Variants in LMF1 observed in about 807,000 individuals in gnomAD.
The protein encoded by LMF1 is transmembrane protein 112.
Under a neutral mutation model 60.6 loss-of-function variants are expected in LMF1, and 68 were observed. The observed-to-expected ratio is 1.12, with a 90% confidence interval of 0.92 to 1.37. LMF1 has a LOEUF of 1.37. Ranked by LOEUF, LMF1 falls within the 40% of genes most tolerant of loss-of-function variation. The pLI is 0.00. For synonymous variants in LMF1, 418 were observed against 324.7 expected, an observed-to-expected ratio of 1.29 and a Z score of -3.09; for missense variants, 948 against 767.2, an observed-to-expected ratio of 1.24 and a Z score of -2.78.
intron 2 of LMF1, among the ~76,000 whole-genome samples, chr16:943,968 C>G (rs989612228): frequency 2.6e-5 from 4 of 152,138 alleles, no homozygotes; most frequent in Non-Finnish European, 5.9e-5. Context: ...TTAATTTTGT[C>G]TGCTTCCTTT....
chr16:912,857 C>T (rs1463833561), intron 3 of LMF1, among the ~76,000 whole-genome samples: 4 of 152,260 alleles, frequency 2.6e-5, no homozygotes, highest in Admixed American at 6.5e-5. Context: ...TCCGCCTCAG[C>T]GTGGCGGACA....
At chr16:929,776 G>A (rs1169438056) in intron 3 of LMF1, among the ~76,000 whole-genome samples, 1 of 152,242 alleles carries the variant, frequency 6.6e-6, no homozygotes, top group Non-Finnish European at 1.5e-5. Context: ...CAAATATTGT[G>A]GTTTTCCTGC....
rs185941972 is a variant in LMF1, at chr16:915,827, C to T, written c.515-4748G>A. Among the ~76,000 whole-genome samples, 258 of 151,782 alleles carry T rather than the reference C, an allele frequency of 1.7e-3. 4 individuals are homozygous for T. Among genetic ancestry groups the T allele is most frequent in the Admixed American group, 0.016 (239 of 15,274 alleles). ...TGAGATGAGCACCATCACCGGGGGC[C>T]GGAGCAGGTGAGATGCAGGGGCCGG... On this transcript the variant is annotated intron_variant, in intron 3 of 10. Coordinates refer to ENST00000262301, the MANE Select transcript of LMF1 (RefSeq NM_022773.4).
chr16:912,524 C>A (rs961531076), intron 3 of LMF1, among the ~76,000 whole-genome samples: 1 of 152,230 alleles, frequency 6.6e-6, no homozygotes, highest in African/African-American at 2.4e-5. Flanking sequence ...ACTGAATAAG[C>A]AGATCGGCGT....
intron 1 of LMF1, among the ~76,000 whole-genome samples, chr16:967,390 C>T (rs2072946831): frequency 6.6e-6 from 1 of 152,252 alleles, no homozygotes; most frequent in Non-Finnish European, 1.5e-5. Context: ...CCAGGCTGCT[C>T]TGCCCTCTGT....
chr16:910,546 G>C (rs542239550), intron 4 of LMF1, among the ~76,000 whole-genome samples: 255 of 152,282 alleles, frequency 1.7e-3, no homozygotes, highest in African/African-American at 5.7e-3. Flanking sequence ...CATGGCCTGA[G>C]ACTCTGTCAT....
chr16:887,290 G>T (rs2151724062), intron 5 of LMF1, among the ~76,000 whole-genome samples: 1 of 152,344 alleles, frequency 6.6e-6, no homozygotes, highest in African/African-American at 2.4e-5. Context: ...AGCCCCAGCC[G>T]CTGTGCTCTG....
At chr16:902,124 G>A (rs1170921064) in intron 4 of LMF1, 1 of 152,336 alleles carries the variant, frequency 6.6e-6, no homozygotes, top group African/African-American at 2.4e-5. Flanking sequence ...TTGGGCTGAG[G>A]ATGCCCACTG....
chr16:921,445 G>A (rs1459432211), intron 3 of LMF1, among the ~76,000 whole-genome samples: 1 of 152,050 alleles, frequency 6.6e-6, no homozygotes, highest in Non-Finnish European at 1.5e-5. Context: ...GCCAGGCACC[G>A]GCACAAAGCC....
intron 2 of LMF1, among the ~76,000 whole-genome samples, chr16:950,487 C>A (rs78298351): frequency 2.4e-4 from 19 of 79,856 alleles, no homozygotes; most frequent in African/African-American, 4.1e-4. Flanking sequence ...AGAGTCAGAG[C>A]CAACGACAGA....
At chr16:920,863 G>A (rs1457124566) in intron 3 of LMF1, among the ~76,000 whole-genome samples, 2 of 152,210 alleles carry the variant, frequency 1.3e-5, no homozygotes, top group Non-Finnish European at 2.9e-5. Flanking sequence ...AGGGAGCCAG[G>A]CGCGGATCCT....
intron 6 of LMF1, among the ~76,000 whole-genome samples, chr16:879,236 C>T (rs922700620): frequency 8.5e-5 from 13 of 152,268 alleles, no homozygotes; most frequent in African/African-American, 2.9e-4. Flanking sequence ...GGAGTGGATC[C>T]CAGGAATGTG....
chr16:912,081 G>A (rs891256588), intron 3 of LMF1, among the ~76,000 whole-genome samples: 17 of 152,150 alleles, frequency 1.1e-4, no homozygotes, highest in Non-Finnish European at 2.2e-4. Context: ...CCCACAGGCC[G>A]GGCTCCCTCC....
intron 5 of LMF1, chr16:884,030 T>C (rs1163672893): frequency 1.3e-5 from 2 of 152,378 alleles, no homozygotes; most frequent in South Asian, 4.1e-4. Context: ...TTTTGCTTCA[T>C]GTCTTTTGAA....
intron 5 of LMF1, chr16:883,760 A>G (rs774093511): frequency 6.6e-6 from 1 of 152,262 alleles, no homozygotes; most frequent in Non-Finnish European, 1.5e-5. Context: ...CACAAAAAAT[A>G]TGAGGAAAAC....
At chr16:933,705 A>G in intron 3 of LMF1, 1 of 298,390 alleles carries the variant, frequency 3.4e-6, no homozygotes, top group Non-Finnish European at 6.6e-6. Context: ...GACATTCTGG[A>G]GGCCTCCGGG....
intron 1 of LMF1, among the ~76,000 whole-genome samples, chr16:956,556 T>A (rs1156415716): frequency 6.6e-6 from 1 of 152,188 alleles, no homozygotes; most frequent in Non-Finnish European, 1.5e-5. Flanking sequence ...AAAAAGTAGA[T>A]TTAAGGGCTG....
At chr16:960,343 AGCACGGGATCACGACCCAG>A (rs2072799301) in intron 1 of LMF1, among the ~76,000 whole-genome samples, 1 of 148,816 alleles carries the variant, frequency 6.7e-6, no homozygotes, top group African/African-American at 2.6e-5. Flanking sequence ...TCACGGTGAC[AGCACGGGATCACGACCCAG>A]ACACAGACTC....
chr16:970,371 C>T (rs2073015966), intron 1 of LMF1, among the ~76,000 whole-genome samples: 1 of 152,176 alleles, frequency 6.6e-6, no homozygotes, highest in African/African-American at 2.4e-5. Flanking sequence ...CTCTCCAGGC[C>T]GCCCCCCGCC....
Sources: allele counts gnomAD v4.1 joint callset (sites outside exome capture counted in the v4.1 genomes callset), GRCh38; gene constraint gnomAD v4.1.1; transcripts MANE v1.5; gene names NCBI Gene and HGNC (gene_info 2026-07-23, HGNC 2026-07-21).